The following TRERF1 variants were observed in gnomAD, a reference collection of about 807,000 sequenced individuals.
TRERF1 encodes transcriptional-regulating factor 1.
Under a neutral mutation model 122.9 loss-of-function variants are expected in TRERF1, and 27 were observed. That is an observed-to-expected ratio of 0.22 (90% CI 0.16 to 0.30). The LOEUF (loss-of-function observed/expected upper bound fraction) is 0.30, where lower values mean the gene tolerates loss of function less well. TRERF1 is among the 10% of genes least tolerant of loss of function. The probability of loss-of-function intolerance (pLI) is 1.00; values close to 1 mark genes in which losing one functional copy is unlikely to be tolerated. For synonymous variants in TRERF1, 636 were observed against 641.7 expected, an observed-to-expected ratio of 0.99 and a Z score of 0.13; for missense variants, 1,248 against 1,560.3, an observed-to-expected ratio of 0.80 and a Z score of 3.37.
rs541801310 is a variant in TRERF1, at chr6:42,349,700, G to C, written c.-371+13297C>G. Among the ~76,000 whole-genome samples the C allele has an allele frequency of 4.6e-5, 7 of 152,202 alleles. No homozygotes were observed. In the East Asian group the frequency reaches 7.7e-4, roughly 17 times the overall value. On this transcript the variant is annotated intron_variant, in intron 3 of 17. Transcript: ENST00000372922. ...ACCAGGGAGGGTCACAGTGATGGAG[G>C]GGGTAAAACCCTTCAATGGTAAGCC...
In TRERF1 at chr6:42,277,870, A is replaced by G. The variant is rs533259968; in HGVS notation, c.-258-8022T>C. On this transcript the variant is annotated intron_variant, in intron 4 of 17. Transcript: ENST00000372922. The stretch of plus-strand genomic sequence containing the variant: ...AAGAAGAAGAAAGAAGGAAGAAGGA[A>G]GAAGAAGGAAGAAGGAAGAAGGAAG... Among the ~76,000 whole-genome samples, 14 of 129,818 alleles carry G rather than the reference A, an allele frequency of 1.1e-4. 2 individuals carry two copies. The highest frequency in any genetic ancestry group is 6.8e-4 in the East Asian group (3 of 4,404). 85.2% of individuals were successfully genotyped at this position (129,818 alleles called of 152,430 possible). A position where few individuals can be genotyped will look rare whatever the true frequency, so the allele number is the denominator to read the frequency against.
intron 3 of TRERF1, among the ~76,000 whole-genome samples, chr6:42,362,328 C>T (rs1157422531): frequency 1.3e-5 from 2 of 152,214 alleles, no homozygotes; most frequent in Non-Finnish European, 2.9e-5. Flanking sequence ...ACCACACACA[C>T]CGAAATAATC....
At chr6:42,246,459 C>A in exon 14 of TRERF1, 1 of 1,587,384 alleles carries the variant, frequency 6.3e-7, no homozygotes. Context: ...TGCTTACCAT[C>A]TTCTGTACAA....
At chr6:42,297,177 C>T (rs1386243449) in intron 4 of TRERF1, among the ~76,000 whole-genome samples, 1 of 152,166 alleles carries the variant, frequency 6.6e-6, no homozygotes, top group African/African-American at 2.4e-5. Context: ...TTCCTGCCCT[C>T]CTGACTATTG....
intron 3 of TRERF1, among the ~76,000 whole-genome samples, chr6:42,327,549 G>A (rs755161955): frequency 1.3e-5 from 2 of 152,144 alleles, no homozygotes; most frequent in Middle Eastern, 3.2e-3. Flanking sequence ...TCCGAGTGCC[G>A]AGCTATCCCA....
intron 4 of TRERF1, among the ~76,000 whole-genome samples, chr6:42,274,714 G>A (rs1780860250): frequency 6.7e-6 from 1 of 149,360 alleles, no homozygotes; most frequent in East Asian, 1.9e-4. Context: ...TAAAAAAAGA[G>A]AGAGAGAAAG....
intron 2 of TRERF1, among the ~76,000 whole-genome samples, chr6:42,422,691 C>T (rs1300288026): frequency 6.6e-6 from 1 of 152,012 alleles, no homozygotes; most frequent in Admixed American, 6.6e-5. Flanking sequence ...TCCCCCTTCG[C>T]TCCACCCCTT....
At chr6:42,249,851 T>C (rs757758164) in intron 13 of TRERF1, among the ~76,000 whole-genome samples, 1 of 152,172 alleles carries the variant, frequency 6.6e-6, no homozygotes, top group Non-Finnish European at 1.5e-5. Context: ...GGACAGAGCC[T>C]TGGCCGGGCA....
At chr6:42,395,778 C>G (rs992659733) in intron 2 of TRERF1, among the ~76,000 whole-genome samples, 2 of 151,792 alleles carry the variant, frequency 1.3e-5, no homozygotes, top group Non-Finnish European at 1.5e-5. Flanking sequence ...ATGATCACCC[C>G]TCAAGCAAAG....
Position 42,318,124 on chromosome 6 carries a change from A to C in TRERF1, c.-370-17375T>G, listed in dbSNP as rs559613082. On this transcript the variant is annotated intron_variant, in intron 3 of 17. Coordinates refer to ENST00000372922, the Ensembl canonical transcript of TRERF1. ...AGCCGAGATCACCCCACTACACTCT[A>C]GTCTGAGTAACAGGGCGAGACTCTG... 3.3e-5 allele frequency among the ~76,000 whole-genome samples: 5 copies of C among 151,972 alleles called. No individual in the cohort carries two copies. The East Asian group carries it at 9.7e-4, about 29-fold the overall frequency.
chr6:42,229,280 G>C (rs1770046138), intron 17 of TRERF1, among the ~76,000 whole-genome samples: 1 of 152,014 alleles, frequency 6.6e-6, no homozygotes, highest in African/African-American at 2.4e-5. Context: ...TAGGACTACA[G>C]GTACATACCA....
chr6:42,448,817 G>A (rs1787983527), intron 2 of TRERF1, among the ~76,000 whole-genome samples: 1 of 151,986 alleles, frequency 6.6e-6, no homozygotes, highest in Non-Finnish European at 1.5e-5. Flanking sequence ...GCCAACTATT[G>A]AACACAAGAC....
chr6:42,297,952 T>C (rs1785381759), intron 4 of TRERF1, among the ~76,000 whole-genome samples: 1 of 152,056 alleles, frequency 6.6e-6, no homozygotes, highest in Admixed American at 6.5e-5. Context: ...AATTTCTAAA[T>C]AGCAAATTTA....
chr6:42,339,531 C>T (rs1766850101), intron 3 of TRERF1, among the ~76,000 whole-genome samples: 1 of 152,196 alleles, frequency 6.6e-6, no homozygotes, highest in African/African-American at 2.4e-5. Flanking sequence ...GTACCCAAAG[C>T]TGCAAAAAAC....
At chr6:42,396,704 T>C (rs1181844076) in intron 2 of TRERF1, among the ~76,000 whole-genome samples, 1 of 152,204 alleles carries the variant, frequency 6.6e-6, no homozygotes. Flanking sequence ...GGGTGTATTA[T>C]AAGAGAGAAC....
At chr6:42,313,557 G>A (rs763806641) in intron 3 of TRERF1, among the ~76,000 whole-genome samples, 7 of 152,008 alleles carry the variant, frequency 4.6e-5, no homozygotes, top group African/African-American at 1.5e-4. Flanking sequence ...TCCCAGTAAC[G>A]CTTACCGGGA....
chr6:42,409,098 G>A (rs974055837), intron 2 of TRERF1, among the ~76,000 whole-genome samples: 2 of 151,986 alleles, frequency 1.3e-5, no homozygotes, highest in African/African-American at 4.8e-5. Flanking sequence ...ACCATCCCAG[G>A]CAACATGACA....
intron 3 of TRERF1, among the ~76,000 whole-genome samples, chr6:42,332,237 C>G (rs1396671134): frequency 1.3e-5 from 2 of 152,240 alleles, no homozygotes; most frequent in Non-Finnish European, 2.9e-5. Context: ...GCCACCGCGC[C>G]CAGCGGGGAA....
At chr6:42,267,769 G>A (rs1249441253) in intron 5 of TRERF1, among the ~76,000 whole-genome samples, 1 of 152,198 alleles carries the variant, frequency 6.6e-6, no homozygotes, top group Non-Finnish European at 1.5e-5. Flanking sequence ...CTGTCATAAC[G>A]TGGTCTCCCT....
Sources: gnomAD v4.1 joint callset for allele counts (sites outside exome capture counted in the v4.1 genomes callset) on GRCh38, gnomAD v4.1.1 for gene constraint, MANE v1.5 for transcripts, NCBI Gene and HGNC (gene_info 2026-07-23, HGNC 2026-07-21) for gene names.